Variants in VAV3 observed in about 807,000 individuals in gnomAD.
VAV3 encodes the protein guanine nucleotide exchange factor VAV3.
Under a neutral mutation model 131.2 loss-of-function variants are expected in VAV3, and 94 were observed. That is an observed-to-expected ratio of 0.72 (90% confidence interval 0.61 to 0.85). VAV3 has a LOEUF of 0.85. VAV3 is among the 40% of genes least tolerant of loss of function. The pLI is 0.00. For missense variants in VAV3, 939 were observed against 1,002.7 expected (o/e 0.94, Z 0.86); for synonymous variants, 349 against 342.0 (o/e 1.02, Z -0.22).
intron 2 of VAV3, among the ~76,000 whole-genome samples, chr1:107,784,828 T>C (rs1665895091): frequency 6.6e-6 from 1 of 152,218 alleles, no homozygotes; most frequent in South Asian, 2.1e-4. Context: ...GGTGTCCAGA[T>C]ATGTAAAGGG....
intron 25 of VAV3, among the ~76,000 whole-genome samples, chr1:107,582,495 C>G (rs144363933): frequency 0.03 from 4,559 of 152,000 alleles, 237 homozygotes; most frequent in African/African-American, 0.1. Flanking sequence ...ATGTGCCACG[C>G]TGGTGCGCTG....
At chr1:107,620,293 T>C (rs1243303600) in intron 20 of VAV3, among the ~76,000 whole-genome samples, 1 of 152,132 alleles carries the variant, frequency 6.6e-6, no homozygotes, top group Non-Finnish European at 1.5e-5. Flanking sequence ...AATAAAGCTA[T>C]GTGCCACATG....
chr1:107,855,094 T>G (rs1669408974), intron 2 of VAV3, among the ~76,000 whole-genome samples: 1 of 152,112 alleles, frequency 6.6e-6, no homozygotes, highest in South Asian at 2.1e-4. Flanking sequence ...ATGGTACACA[T>G]TACTGCTGCA....
intron 15 of VAV3, among the ~76,000 whole-genome samples, chr1:107,720,211 A>C (rs1661397345): frequency 6.6e-6 from 1 of 151,670 alleles, no homozygotes; most frequent in African/African-American, 2.4e-5. Context: ...AAGTATAATA[A>C]AAAAATAAAA....
chr1:107,842,834 T>C (rs1232534447), intron 2 of VAV3, among the ~76,000 whole-genome samples: 1 of 152,154 alleles, frequency 6.6e-6, no homozygotes, highest in Non-Finnish European at 1.5e-5. Context: ...TTTATAACCA[T>C]AGCTAAGAAA....
At chr1:107,835,896 T>A (rs1222274278) in intron 2 of VAV3, among the ~76,000 whole-genome samples, 1 of 152,236 alleles carries the variant, frequency 6.6e-6, no homozygotes, top group Non-Finnish European at 1.5e-5. Context: ...TGCAGGTTTC[T>A]GGCAATCTAA....
chr1:107,733,817 T>A (rs1459050617), intron 15 of VAV3, among the ~76,000 whole-genome samples: 2 of 152,290 alleles, frequency 1.3e-5, no homozygotes, highest in East Asian at 3.9e-4. Flanking sequence ...AAAACACTCT[T>A]CAAGATATTA....
At chr1:107,736,629 T>C (rs1169793036) in intron 15 of VAV3, among the ~76,000 whole-genome samples, 1 of 152,048 alleles carries the variant, frequency 6.6e-6, no homozygotes, top group Non-Finnish European at 1.5e-5. Context: ...ATAAAATACC[T>C]AGGAATCCAA....
rs562440344 is a variant in VAV3 at position 107,841,119 on chromosome 1, A to G, written c.321+33782T>C. On this transcript the variant is annotated intron_variant, in intron 2 of 26. Coordinates refer to ENST00000370056, the MANE Select transcript of VAV3 (RefSeq NM_006113.5). Reference sequence around the variant, plus strand: ...GGAATGATGATGGGAGTTCCATTATATACACCAATAGTGAATGCCATATGG... The same window carrying G: ...GGAATGATGATGGGAGTTCCATTATGTACACCAATAGTGAATGCCATATGG... Among the ~76,000 whole-genome samples, 3 of 152,280 alleles carry G rather than the reference A, an allele frequency of 2.0e-5. No homozygotes were observed. In the South Asian group the frequency reaches 6.2e-4, roughly 32 times the overall value.
intron 19 of VAV3, among the ~76,000 whole-genome samples, chr1:107,679,020 C>G (rs149339144): frequency 2.6e-5 from 4 of 151,970 alleles, no homozygotes; most frequent in African/African-American, 9.7e-5. Flanking sequence ...AAATTCTTTG[C>G]GGAAAGGGGC....
chr1:107,931,702 C>CAG (rs1446781967), intron 1 of VAV3, among the ~76,000 whole-genome samples: 3 of 151,946 alleles, frequency 2.0e-5, no homozygotes, highest in Non-Finnish European at 4.4e-5. Context: ...AAATGAAGAC[C>CAG]AGAGAACTTA....
intron 1 of VAV3, among the ~76,000 whole-genome samples, chr1:107,895,968 T>C (rs1051041874): frequency 2.0e-5 from 3 of 152,144 alleles, no homozygotes; most frequent in Non-Finnish European, 4.4e-5. Context: ...CTCAATGAAG[T>C]GGCACCAGAA....
In VAV3 at chr1:107,571,784, A is replaced by G. The variant is rs571112299; in HGVS notation, c.*1547T>C. ...CACAGTTTACATAATTCTGAGGTAA[A>G]GGTCTTGAATCTATCCTAGATGAAA... On this transcript the variant is annotated 3_prime_UTR_variant, in exon 27 of 27. Coordinates refer to ENST00000370056, the MANE Select transcript of VAV3 (RefSeq NM_006113.5). 1 of 152,786 alleles carries G rather than the reference A, an allele frequency of 6.5e-6. No homozygotes were observed. Among genetic ancestry groups the G allele is most frequent in the South Asian group, 2.1e-4 (1 of 4,828 alleles). 9.5% of individuals were successfully genotyped at this position (152,786 alleles called of 1,614,324 possible).
intron 2 of VAV3, among the ~76,000 whole-genome samples, chr1:107,871,178 G>A (rs1482356673): frequency 6.6e-6 from 1 of 151,950 alleles, no homozygotes; most frequent in Non-Finnish European, 1.5e-5. Context: ...TTATGCCAGG[G>A]GAAACATTTT....
At chr1:107,763,667 A>C (rs1031916335) in intron 9 of VAV3, among the ~76,000 whole-genome samples, 12 of 152,230 alleles carry the variant, frequency 7.9e-5, no homozygotes, top group Non-Finnish European at 5.9e-5. Context: ...AACTACCTCC[A>C]GTCTTAAAGT....
chr1:107,905,436 A>G (rs1169311158), intron 1 of VAV3, among the ~76,000 whole-genome samples: 1 of 152,172 alleles, frequency 6.6e-6, no homozygotes, highest in Non-Finnish European at 1.5e-5. Flanking sequence ...ATCTCTCTAG[A>G]GCCATAATGC....
At chr1:107,845,885 T>C (rs963742897) in intron 2 of VAV3, among the ~76,000 whole-genome samples, 2 of 152,144 alleles carry the variant, frequency 1.3e-5, no homozygotes, top group African/African-American at 4.8e-5. Context: ...TTCAGGATAT[T>C]ATCCAGGAGA....
rs147106447 is a variant in VAV3, at chr1:107,663,761, C to A, written c.1777+19727G>T. Among the ~76,000 whole-genome samples the A allele has an allele frequency of 5.2e-3, 797 of 152,282 alleles. 7 individuals carry two copies. Among genetic ancestry groups the A allele is most frequent in the African/African-American group, 0.018 (742 of 41,566 alleles). On this transcript the variant is annotated intron_variant, in intron 19 of 26. Coordinates refer to ENST00000370056, the MANE Select transcript of VAV3 (RefSeq NM_006113.5). ...GTGTCATAGTAATACTCTACTGCAG[C>A]TACTTATGGATCTTAAATGAAACTC...
At chr1:107,694,749 C>T (rs553402497) in intron 17 of VAV3, among the ~76,000 whole-genome samples, 34 of 152,276 alleles carry the variant, frequency 2.2e-4, no homozygotes, top group Non-Finnish European at 2.2e-4. Flanking sequence ...CAGTGGTACT[C>T]ATTTGTCTGT....
Sources: allele counts gnomAD v4.1 joint callset (sites outside exome capture counted in the v4.1 genomes callset), GRCh38; gene constraint gnomAD v4.1.1; transcripts MANE v1.5; gene names NCBI Gene and HGNC (gene_info 2026-07-23, HGNC 2026-07-21).